Variants in ANKRD18A observed in about 807,000 individuals in gnomAD.
ANKRD18A encodes ankyrin repeat domain 18A, also known as ankyrin repeat domain-containing protein 18A.
Under a neutral mutation model 110.6 loss-of-function variants are expected in ANKRD18A, and 72 were observed. That is an observed-to-expected ratio of 0.65 (90% CI 0.54 to 0.79). The LOEUF (loss-of-function observed/expected upper bound fraction) is 0.79. Ranked by LOEUF, ANKRD18A falls within the 30% of genes least tolerant of loss-of-function variation. ANKRD18A has a pLI of 0.00. For missense variants in ANKRD18A, 934 were observed against 1,163.3 expected, an observed-to-expected ratio of 0.80 and a Z score of 2.87; for synonymous variants, 305 against 410.3, an observed-to-expected ratio of 0.74 and a Z score of 3.10.
At chr9:38,596,513 A>G in intron 8 of ANKRD18A, 110 bp from the exon 9 acceptor site, 1 of 990,622 alleles carries the variant, frequency 1.0e-6, no homozygotes, top group Non-Finnish European at 1.4e-6. Flanking sequence ...AAGTTGCTGT[A>G]AGTGGATATC....
chr9:38,572,182 A>G, intron 15 of ANKRD18A, 123 bp from the exon 16 acceptor site: 1 of 627,934 alleles, frequency 1.6e-6, no homozygotes, highest in Non-Finnish European at 2.6e-6. Context: ...ATGTACGTGC[A>G]ATTACAATAC....
chr9:38,579,735 A>G (rs1421920798), intron 12 of ANKRD18A, among the ~76,000 whole-genome samples: 3 of 152,226 alleles, frequency 2.0e-5, no homozygotes, highest in African/African-American at 4.8e-5. Flanking sequence ...GTGGGAAGGT[A>G]AATTAGTGCA....
intron 8 of ANKRD18A, among the ~76,000 whole-genome samples, chr9:38,599,169 T>A (rs1825015661): frequency 6.6e-6 from 1 of 152,196 alleles, no homozygotes; most frequent in African/African-American, 2.4e-5. Flanking sequence ...TTCATTTGAA[T>A]AAAGCTTAGA....
intron 11 of ANKRD18A, among the ~76,000 whole-genome samples, chr9:38,588,263 T>C (rs1205426294): frequency 6.6e-6 from 1 of 152,210 alleles, no homozygotes; most frequent in Non-Finnish European, 1.5e-5. Flanking sequence ...CATTGGACTC[T>C]ATGACACATG....
chr9:38,610,639 G>A (rs1269561159), intron 4 of ANKRD18A, among the ~76,000 whole-genome samples: 3 of 152,238 alleles, frequency 2.0e-5, no homozygotes, highest in South Asian at 2.1e-4. Context: ...TGTCCCATTG[G>A]GACATGACGT....
intron 5 of ANKRD18A, among the ~76,000 whole-genome samples, chr9:38,607,846 T>A (rs565648131): frequency 3.3e-5 from 5 of 152,218 alleles, no homozygotes; most frequent in African/African-American, 1.2e-4. Context: ...TTCTAAAAAA[T>A]AAAGGTTTTA....
rs754668996 is a variant in ANKRD18A, at chr9:38,610,434, C to T, written c.603-24G>A. On this transcript the variant is annotated intron_variant, in intron 4 of 15. Coordinates refer to ENST00000399703, the MANE Select transcript of ANKRD18A (RefSeq NM_147195.4). ...TTCTAAAATAATAAAGAAATAACAGCACTCAAGAACTTTGATGAAGATATT... is the reference window on the plus strand; with the variant it reads ...TTCTAAAATAATAAAGAAATAACAGTACTCAAGAACTTTGATGAAGATATT... 103 of 1,524,108 alleles carry T rather than the reference C, an allele frequency of 6.8e-5. 2 individuals carry two copies. The South Asian group carries it at 1.3e-3, about 19-fold the overall frequency. The allele number at this position is 1,524,108 out of a possible 1,614,324, so 94.4% of individuals were successfully genotyped here.
Position 38,593,883 on chromosome 9 carries a change from T to C in ANKRD18A, c.1881A>G (p.Glu627=), listed in dbSNP as rs1225099836. Residue 627 remains glutamate, a synonymous_variant, in exon 10 of 16, where the codon GAA becomes GAG. Transcript: ENST00000399703. ...AAAATGTTTTAAGGTGATCGACCAG[T>C]TCTTCTTGAAATTCTCTCACAATCA... ...REVIVREFQE[E]LVDHLKTFSI... 2.0e-6 allele frequency: 3 copies of C among 1,497,882 alleles called. No individual in the cohort carries two copies. Among genetic ancestry groups the C allele is most frequent in the Middle Eastern group, 3.4e-4 (2 of 5,832 alleles). The allele number at this position is 1,497,882 out of a possible 1,614,324, so 92.8% of individuals were successfully genotyped here. A position where few individuals can be genotyped will look rare whatever the true frequency, so the allele number is the denominator to read the frequency against.
chr9:38,574,608 C>T (rs1453074427), intron 15 of ANKRD18A, among the ~76,000 whole-genome samples: 36 of 152,122 alleles, frequency 2.4e-4, no homozygotes, highest in Admixed American at 2.4e-3. Context: ...TGAGCCACCA[C>T]ACCTGGCCAA....
chr9:38,601,032 G>C (rs1825097869), intron 8 of ANKRD18A, 99 bp downstream of exon 8: 2 of 1,024,076 alleles, frequency 2.0e-6, no homozygotes, highest in Non-Finnish European at 2.8e-6. Context: ...ATTCTAAAAG[G>C]ATAGTCTAAA....
downstream of ANKRD18A, among the ~76,000 whole-genome samples, chr9:38,569,769 C>T (rs1823574090): frequency 6.6e-6 from 1 of 152,114 alleles, no homozygotes. Flanking sequence ...GGGCCCAGGG[C>T]CAGGATTAGA....
At chr9:38,615,061 AAAC>A (rs1435593455) in intron 3 of ANKRD18A, among the ~76,000 whole-genome samples, 2 of 152,218 alleles carry the variant, frequency 1.3e-5, no homozygotes, top group African/African-American at 4.8e-5. Context: ...TAAACTGGAA[AAAC>A]AACAAACTAA....
At chr9:38,578,703 C>G (rs1367281795) in intron 12 of ANKRD18A, among the ~76,000 whole-genome samples, 2 of 151,970 alleles carry the variant, frequency 1.3e-5, no homozygotes, top group Admixed American at 1.3e-4. Context: ...ATAGTGAGAC[C>G]CCCATCTCTA....
chr9:38,586,717 C>A (rs1824398476), intron 11 of ANKRD18A, among the ~76,000 whole-genome samples: 1 of 152,044 alleles, frequency 6.6e-6, no homozygotes, highest in Admixed American at 6.6e-5. Flanking sequence ...GGGCATGTGC[C>A]ACCATGCCTG....
intron 12 of ANKRD18A, among the ~76,000 whole-genome samples, chr9:38,581,548 T>G (rs1036339538): frequency 6.6e-6 from 1 of 152,200 alleles, no homozygotes; most frequent in African/African-American, 2.4e-5. Context: ...TATTCGATTT[T>G]CATTTTCCTT....
At chr9:38,566,309 T>C in the ANKRD18A span, 1 of 152,242 alleles carries the variant, frequency 6.6e-6, no homozygotes, top group Non-Finnish European at 1.5e-5. Context: ...CCTATAAGCC[T>C]CTGAAATAAA....
intron 5 of ANKRD18A, among the ~76,000 whole-genome samples, 200 bp downstream of exon 5, chr9:38,610,073 G>A (rs1363912173): frequency 2.6e-5 from 4 of 152,140 alleles, no homozygotes; most frequent in African/African-American, 7.2e-5. Flanking sequence ...TTAAAAGTCC[G>A]GAAAGAATCT....
intron 12 of ANKRD18A, among the ~76,000 whole-genome samples, chr9:38,583,004 G>T (rs1824227845): frequency 6.6e-6 from 1 of 152,176 alleles, no homozygotes; most frequent in Admixed American, 6.5e-5. Flanking sequence ...AATGGGCAAA[G>T]AATTTGAATA....
At chr9:38,613,940 G>T (rs1157190736) in intron 3 of ANKRD18A, among the ~76,000 whole-genome samples, 2 of 152,214 alleles carry the variant, frequency 1.3e-5, no homozygotes, top group Non-Finnish European at 2.9e-5. Flanking sequence ...GCTAAAGACT[G>T]TCTGAATGGC....
Sources: allele counts gnomAD v4.1 joint callset (sites outside exome capture counted in the v4.1 genomes callset), GRCh38; gene constraint gnomAD v4.1.1; transcripts MANE v1.5; gene names NCBI Gene and HGNC (gene_info 2026-07-23, HGNC 2026-07-21).